Variants in NPSR1 observed in about 807,000 individuals in gnomAD.
The protein encoded by NPSR1 is neuropeptide S receptor 1, also known as neuropeptide S receptor.
A neutral mutation model predicts 46.9 loss-of-function variants in NPSR1; 48 were observed. The ratio of observed to expected loss-of-function variants is 1.02; its 90% CI spans 0.81 to 1.30. NPSR1 has a LOEUF of 1.30. NPSR1 is among the 50% of genes most tolerant of loss of function. The pLI, the probability that NPSR1 is intolerant of heterozygous loss-of-function variation, is 0.00. For synonymous variants in NPSR1, 176 were observed against 168.1 expected (o/e 1.05, Z -0.36); for missense variants, 450 against 449.5 (o/e 1.00, Z -0.01).
chr7:34,820,054 G>C (rs1447311973), intron 4 of NPSR1, among the ~76,000 whole-genome samples: 1 of 151,956 alleles, frequency 6.6e-6, no homozygotes, highest in African/African-American at 2.4e-5. Flanking sequence ...CATGTACAAT[G>C]ATAATTTAAA....
intron 5 of NPSR1, among the ~76,000 whole-genome samples, chr7:34,828,298 A>G (rs1789954811): frequency 6.6e-6 from 1 of 152,332 alleles, no homozygotes; most frequent in African/African-American, 2.4e-5. Flanking sequence ...TGCCAGTGGG[A>G]CAGAAGTTGG....
At position 34,684,685 on chromosome 7, in the gene NPSR1, G is replaced by A. The variant is rs921861470; in HGVS notation, c.280+1G>A. 10 of 1,608,668 alleles carry A rather than the reference G, an allele frequency of 6.2e-6. No individual in the cohort carries two copies. The highest frequency in any genetic ancestry group is 1.1e-5 in the South Asian group (1 of 90,148). On this transcript the variant is annotated splice_donor_variant, in intron 2 of 8. Coordinates refer to ENST00000360581, the MANE Select transcript of NPSR1 (RefSeq NM_207172.2). LOFTEE classifies it high-confidence loss of function. Reference sequence around the variant, plus strand: ...TTTGTGACTCAGCTGGCCATCACAGGTAAGTAACTATGCAAGTGAGAGGCA... The same window carrying A: ...TTTGTGACTCAGCTGGCCATCACAGATAAGTAACTATGCAAGTGAGAGGCA...
chr7:34,850,831 G>A (rs1033188915), downstream of NPSR1, among the ~76,000 whole-genome samples: 1 of 152,150 alleles, frequency 6.6e-6, no homozygotes, highest in African/African-American at 2.4e-5. Flanking sequence ...TTAGGAGCTA[G>A]GTTCCTGCGG....
Position 34,665,923 on chromosome 7 carries a change from T to A in NPSR1, c.147+7364T>A, listed in dbSNP as rs187840947. Among the ~76,000 whole-genome samples, 4 of 152,272 alleles carry A rather than the reference T, an allele frequency of 2.6e-5. No individual in the cohort carries two copies. The East Asian group carries it at 7.7e-4, about 29-fold the overall frequency. Reference sequence around the variant, plus strand: ...TCAGTTATTTAGGGACACCTTTAGATCCTACTATTCCTAGTACAGTGACTG... The same window carrying A: ...TCAGTTATTTAGGGACACCTTTAGAACCTACTATTCCTAGTACAGTGACTG... On this transcript the variant is annotated intron_variant, in intron 1 of 8. Coordinates refer to ENST00000360581, the MANE Select transcript of NPSR1 (RefSeq NM_207172.2).
At chr7:34,871,434 C>A (rs1791450623) in intron 8 of NPSR1, 1 of 151,736 alleles carries the variant, frequency 6.6e-6, no homozygotes, top group South Asian at 2.1e-4. Context: ...GACATCTAAG[C>A]CATATCATTT....
At chr7:34,722,596 C>T (rs1455494351) in intron 2 of NPSR1, among the ~76,000 whole-genome samples, 1 of 152,092 alleles carries the variant, frequency 6.6e-6, no homozygotes, top group Non-Finnish European at 1.5e-5. Context: ...AGGGTAGAGA[C>T]AGAATTGCAG....
At chr7:34,724,426 G>T (rs979589062) in intron 2 of NPSR1, among the ~76,000 whole-genome samples, 125 of 152,176 alleles carry the variant, frequency 8.2e-4, no homozygotes, top group Admixed American at 2.6e-4. Flanking sequence ...GGATCGGAAA[G>T]GTTTCTTCCT....
intron 6 of NPSR1, among the ~76,000 whole-genome samples, chr7:34,840,310 G>A (rs1790517821): frequency 6.6e-6 from 1 of 152,114 alleles, no homozygotes; most frequent in Admixed American, 6.5e-5. Flanking sequence ...AGTGCCTTAA[G>A]GTCAAAGGGA....
chr7:34,876,918 G>C (rs1168777392), intron 8 of NPSR1, among the ~76,000 whole-genome samples: 1 of 152,192 alleles, frequency 6.6e-6, no homozygotes, highest in Non-Finnish European at 1.5e-5. Flanking sequence ...AGGGTCAGTG[G>C]GTGGCAGGAG....
chr7:34,741,641 A>G (rs1275716265), intron 2 of NPSR1, among the ~76,000 whole-genome samples: 1 of 152,224 alleles, frequency 6.6e-6, no homozygotes, highest in Non-Finnish European at 1.5e-5. Flanking sequence ...GGAATATTCT[A>G]AGTTAGGTAA....
chr7:34,728,858 T>A (rs551285214), intron 2 of NPSR1: 3 of 152,798 alleles, frequency 2.0e-5, no homozygotes, highest in African/African-American at 7.2e-5. Flanking sequence ...TGTCTGTAAA[T>A]TTTCATTGCA....
At chr7:34,843,156 A>G (rs1032140169) in intron 6 of NPSR1, among the ~76,000 whole-genome samples, 8 of 152,170 alleles carry the variant, frequency 5.3e-5, no homozygotes, top group African/African-American at 1.7e-4. Flanking sequence ...GTTGGTTTCT[A>G]TCTGTCTTAG....
chr7:34,751,095 A>T, intron 2 of NPSR1: 1 of 803,842 alleles, frequency 1.2e-6, no homozygotes, highest in Non-Finnish European at 2.3e-6. Flanking sequence ...CATGTCCTTG[A>T]GGATCAGGTG....
At chr7:34,878,097 C>T (rs1791618666) in exon 9 of NPSR1, 1 of 1,609,502 alleles carries the variant, frequency 6.2e-7, no homozygotes. Flanking sequence ...TCCGTCAGCT[C>T]CAGGAGGCTG....
At chr7:34,765,377 T>C (rs932625903) in intron 2 of NPSR1, among the ~76,000 whole-genome samples, 3 of 151,972 alleles carry the variant, frequency 2.0e-5, no homozygotes, top group African/African-American at 7.2e-5. Flanking sequence ...ATAATTACAA[T>C]GAATAAGAAA....
At chr7:34,875,193 C>T (rs1366418302) in intron 8 of NPSR1, among the ~76,000 whole-genome samples, 1 of 152,060 alleles carries the variant, frequency 6.6e-6, no homozygotes, top group African/African-American at 2.4e-5. Flanking sequence ...GGCCCTAGTC[C>T]CACACATAAG....
At chr7:34,717,053 G>T (rs1783609993) in intron 2 of NPSR1, among the ~76,000 whole-genome samples, 1 of 152,180 alleles carries the variant, frequency 6.6e-6, no homozygotes, top group South Asian at 2.1e-4. Context: ...ACTTTCTAAA[G>T]CCTAAAATTC....
At chr7:34,868,950 G>T (rs1584159835) in intron 8 of NPSR1, among the ~76,000 whole-genome samples, 1 of 151,834 alleles carries the variant, frequency 6.6e-6, no homozygotes, top group Non-Finnish European at 1.5e-5. Flanking sequence ...GCAGAAGACA[G>T]GACTTCAGCA....
intron 1 of NPSR1, among the ~76,000 whole-genome samples, chr7:34,659,430 TTTGTTG>T (rs779758835): frequency 7.2e-4 from 109 of 152,230 alleles, no homozygotes; most frequent in African/African-American, 2.4e-3. Flanking sequence ...TTTGTTGGGT[TTTGTTG>T]TTGTTGTTGT....
Sources: gnomAD v4.1 joint callset for allele counts (sites outside exome capture counted in the v4.1 genomes callset) on GRCh38, gnomAD v4.1.1 for gene constraint, MANE v1.5 for transcripts, NCBI Gene and HGNC (gene_info 2026-07-23, HGNC 2026-07-21) for gene names.